ABAT: variants seen among roughly 807,000 people sequenced by gnomAD.
ABAT encodes the protein 4-aminobutyrate aminotransferase, mitochondrial.
A neutral mutation model predicts 64.6 loss-of-function variants in ABAT; 45 were observed. That is an observed-to-expected ratio of 0.70 (90% CI 0.55 to 0.89). The LOEUF (loss-of-function observed/expected upper bound fraction) is 0.89, where lower values mean the gene tolerates loss of function less well. ABAT is among the 40% of genes least tolerant of loss of function. The pLI, the probability that ABAT is intolerant of heterozygous loss-of-function variation, is 0.00. For synonymous variants in ABAT, 297 were observed against 250.5 expected, an observed-to-expected ratio of 1.19 and a Z score of -1.75; for missense variants, 633 against 658.4, an observed-to-expected ratio of 0.96 and a Z score of 0.42.
At chr16:8,768,323 G>A (rs1342996700) in intron 10 of ABAT, 67 bp downstream of exon 10, 3 of 1,522,646 alleles carry the variant, frequency 2.0e-6, no homozygotes, top group Non-Finnish European at 2.7e-6. Context: ...AACAATAGCG[G>A]CGGCTGACAT....
intron 1 of ABAT, among the ~76,000 whole-genome samples, chr16:8,723,495 GC>G (rs2058434217): frequency 6.6e-6 from 1 of 152,128 alleles, no homozygotes; most frequent in African/African-American, 2.4e-5. Context: ...TATCTGTGGG[GC>G]CTCTTTCCTT....
At chr16:8,709,057 A>G (rs192905376) in intron 1 of ABAT, among the ~76,000 whole-genome samples, 4 of 152,146 alleles carry the variant, frequency 2.6e-5, no homozygotes, top group African/African-American at 7.2e-5. Context: ...GATTTTGAAG[A>G]CTTGCTATGC....
chr16:8,701,524 A>G lies in ABAT; in HGVS notation c.-42+26813A>G, dbSNP rs574007872. ...GGGTTGGACCCCACCTCTGCTCTTC[A>G]CTATCCGATGTGACTGAGCAGGTGA... On this transcript the variant is annotated intron_variant, in intron 1 of 15. Transcript: ENST00000268251. Among the ~76,000 whole-genome samples, 53 of 152,338 alleles carry G rather than the reference A, an allele frequency of 3.5e-4. No individual in the cohort carries two copies. The South Asian group carries it at 7.5e-3, about 21-fold the overall frequency.
chr16:8,764,815 C>T lies in ABAT; in HGVS notation c.525C>T (p.Ile175=), dbSNP rs1382391739. 1.9e-6 allele frequency: 3 copies of T among 1,613,822 alleles called. No homozygotes were observed. The highest frequency in any genetic ancestry group is 4.5e-5 in the East Asian group (2 of 44,860). Residue 175 remains isoleucine (I), a synonymous_variant, in exon 8 of 16, where the codon ATC becomes ATT. Coordinates refer to ENST00000268251, the MANE Select transcript of ABAT (RefSeq NM_020686.6). This position sits in a 1 kb window ranked among gnomAD's most constrained non-coding sequence, Gnocchi z 4.2. ...SCSNENALKT[I]FMWYRSKERG... ...CCAATGAAAACGCCTTAAAGACCAT[C>T]TTCATGTGGTACCGGGTGAGGTTTG...
At chr16:8,722,930 G>T (rs888954306) in intron 1 of ABAT, 1 of 1,190,308 alleles carries the variant, frequency 8.4e-7, no homozygotes. Context: ...CTTAGAGTCC[G>T]AACGGGCCTT....
chr16:8,675,084 C>A (rs2057164654), intron 1 of ABAT, among the ~76,000 whole-genome samples: 1 of 152,116 alleles, frequency 6.6e-6, no homozygotes, highest in African/African-American at 2.4e-5. Context: ...GGGTGTCTTC[C>A]TTCTCCCCTC....
At chr16:8,754,179 TAAAAAAAAAAAAAAA>T (rs750745519) in intron 5 of ABAT, among the ~76,000 whole-genome samples, 1 of 63,822 alleles carries the variant, frequency 1.6e-5, no homozygotes, top group African/African-American at 5.5e-5. Flanking sequence ...ACCCTGTCTA[TAAAAAAAAAAAAAAA>T]AAAAAAAAAA....
At chr16:8,723,506 T>G (rs1469464133) in intron 1 of ABAT, among the ~76,000 whole-genome samples, 1 of 152,146 alleles carries the variant, frequency 6.6e-6, no homozygotes, top group Non-Finnish European at 1.5e-5. Context: ...CCTCTTTCCT[T>G]GGCAACTCCA....
At chr16:8,687,754 T>G (rs1175863212) in intron 1 of ABAT, among the ~76,000 whole-genome samples, 1 of 152,234 alleles carries the variant, frequency 6.6e-6, no homozygotes, top group Non-Finnish European at 1.5e-5. Context: ...GCAGCTGTGC[T>G]GCTGGCTCCC....
intron 9 of ABAT, among the ~76,000 whole-genome samples, chr16:8,766,859 C>A (rs1246884603): frequency 6.6e-6 from 1 of 151,904 alleles, no homozygotes; most frequent in African/African-American, 2.4e-5. Context: ...ATTCCAGCTA[C>A]TCGGGAGGCT....
chr16:8,723,309 G>T (rs1293680543), intron 1 of ABAT, among the ~76,000 whole-genome samples: 3 of 152,188 alleles, frequency 2.0e-5, no homozygotes, highest in Admixed American at 2.0e-4. Flanking sequence ...ATGATGGCAA[G>T]TTGGACCAGA....
chr16:8,737,991 G>GAAAGAAAGAAAGAAAGAAAAAGAAA (rs55862439), intron 2 of ABAT, among the ~76,000 whole-genome samples: 1 of 14,962 alleles, frequency 6.7e-5, no homozygotes, highest in African/African-American at 2.8e-4. Context: ...GAAGGAAGGA[G>GAAAGAAAGAAAGAAAGAAAAAGAAA]GAAAGAAAGA....
chr16:8,746,143 A>G, intron 3 of ABAT, 45 bp downstream of exon 3: 1 of 1,496,352 alleles, frequency 6.7e-7, no homozygotes, highest in Non-Finnish European at 9.3e-7. Context: ...AAAGGGAAAA[A>G]GGCGCCTAAG....
intron 1 of ABAT, 38 bp from the exon 2 acceptor site, chr16:8,735,661 C>A: frequency 6.6e-7 from 1 of 1,523,186 alleles, no homozygotes; most frequent in South Asian, 1.2e-5. Flanking sequence ...GGGGAGTGGT[C>A]TTCATGGGCC....
chr16:8,687,016 C>T (rs1355751664), intron 1 of ABAT, among the ~76,000 whole-genome samples: 1 of 152,152 alleles, frequency 6.6e-6, no homozygotes, highest in Non-Finnish European at 1.5e-5. Flanking sequence ...GAGGTGAAGG[C>T]ATGCTGAAGC....
intron 1 of ABAT, among the ~76,000 whole-genome samples, chr16:8,701,496 G>A (rs1267006251): frequency 1.3e-5 from 2 of 152,300 alleles, no homozygotes; most frequent in South Asian, 2.1e-4. Flanking sequence ...AACAGTCCCC[G>A]ATGGGTTGGA....
intron 1 of ABAT, among the ~76,000 whole-genome samples, chr16:8,710,727 A>AGGGAGAGGGAGG (rs3069301): frequency 0.02 from 2,024 of 103,468 alleles, 157 homozygotes; most frequent in South Asian, 0.042. Context: ...AGAGAGAGAG[A>AGGGAGAGGGAGG]GAGGAAATAG....
At chr16:8,702,702 C>T (rs1464265326) in intron 1 of ABAT, among the ~76,000 whole-genome samples, 4 of 90,060 alleles carry the variant, frequency 4.4e-5, no homozygotes, top group African/African-American at 1.1e-4. Flanking sequence ...TACGTTTCAA[C>T]GTGAGATTTG....
At chr16:8,702,744 A>T (rs2057853967) in intron 1 of ABAT, among the ~76,000 whole-genome samples, 1 of 152,110 alleles carries the variant, frequency 6.6e-6, no homozygotes, top group South Asian at 2.1e-4. Flanking sequence ...ATATCAGGGG[A>T]CCACTGGAAG....
Sources: allele counts gnomAD v4.1 joint callset (sites outside exome capture counted in the v4.1 genomes callset), GRCh38; gene constraint gnomAD v4.1.1; non-coding constraint Gnocchi (gnomAD v3.1); transcripts MANE v1.5; gene names NCBI Gene and HGNC (gene_info 2026-07-23, HGNC 2026-07-21).